The following UGT2A2 variants were observed in gnomAD, a reference collection of about 807,000 sequenced individuals.
The protein encoded by UGT2A2 is UDP glucuronosyltransferase family 2 member A2.
A neutral mutation model predicts 50.7 loss-of-function variants in UGT2A2; 60 were observed. That is an observed-to-expected ratio of 1.18 (90% CI 0.96 to 1.47). UGT2A2 has a LOEUF of 1.47. UGT2A2 is among the 40% of genes most tolerant of loss of function. The pLI is 0.00. For missense variants in UGT2A2, 762 were observed against 634.0 expected, an observed-to-expected ratio of 1.20 and a Z score of -2.17; for synonymous variants, 242 against 214.6, an observed-to-expected ratio of 1.13 and a Z score of -1.11.
In UGT2A2 at chr4:69,594,336, G is replaced by A. The variant is rs944416728; in HGVS notation, c.1331+141C>T. 11 of 1,154,870 alleles carry A rather than the reference G, an allele frequency of 9.5e-6. No homozygotes were observed. The East Asian group carries it at 2.6e-4, about 28-fold the overall frequency. 71.5% of individuals were successfully genotyped at this position (1,154,870 alleles called of 1,614,324 possible). The stretch of plus-strand genomic sequence containing the variant: ...TTCAGCAAATCACTTTAGCAGTTTG[G>A]CAAATAAAATAGTTTTTATATTGGT... On this transcript the variant is annotated intron_variant, in intron 5 of 5. Transcript: ENST00000604629.
chr4:69,599,672 G>A (rs1163760175), intron 1 of UGT2A2: 1 of 305,298 alleles, frequency 3.3e-6, no homozygotes, highest in Admixed American at 5.2e-5. Context: ...GAGAAAAAGG[G>A]AAGAAAGAGG....
chr4:69,607,626 A>G (rs1376111302), intron 1 of UGT2A2, among the ~76,000 whole-genome samples: 1 of 152,176 alleles, frequency 6.6e-6, no homozygotes, highest in Non-Finnish European at 1.5e-5. Context: ...ATCAGAGTGA[A>G]CAGGCAACCT....
chr4:69,618,466 T>C (rs1230361201), intron 1 of UGT2A2, among the ~76,000 whole-genome samples: 2 of 151,900 alleles, frequency 1.3e-5, no homozygotes, highest in African/African-American at 4.8e-5. Flanking sequence ...ATTTCTAACT[T>C]TGTTTATTGA....
At chr4:69,601,355 G>C (rs1379049537) in intron 1 of UGT2A2, among the ~76,000 whole-genome samples, 4 of 152,118 alleles carry the variant, frequency 2.6e-5, no homozygotes, top group Non-Finnish European at 5.9e-5. Flanking sequence ...AGAAAGGACA[G>C]AGAATTTGGG....
intron 1 of UGT2A2, among the ~76,000 whole-genome samples, chr4:69,610,261 A>G (rs2109915170): frequency 6.6e-6 from 1 of 152,194 alleles, no homozygotes. Flanking sequence ...AAAAAGTTGC[A>G]TTGAATTCAT....
chr4:69,589,012 T>C lies in UGT2A2; in HGVS notation c.*360A>G, dbSNP rs1330031732. ...TCAAATTCCATCTACACTGTATGCA[T>C]TACCAGGATTCAGCATATTGTTAAT... On this transcript the variant is annotated 3_prime_UTR_variant, in exon 6 of 6. Transcript: ENST00000604629. The C allele has an allele frequency of 1.1e-5, 2 of 179,186 alleles. No homozygotes were observed. Among genetic ancestry groups the C allele is most frequent in the Non-Finnish European group, 2.4e-5 (2 of 83,444 alleles). The allele number at this position is 179,186 out of a possible 1,614,324, so 11.1% of individuals were successfully genotyped here.
intron 1 of UGT2A2, among the ~76,000 whole-genome samples, chr4:69,611,453 A>T (rs1361764964): frequency 1.3e-5 from 2 of 152,030 alleles, no homozygotes; most frequent in Admixed American, 1.3e-4. Context: ...TAAGAAAAAA[A>T]AACTAATAAA....
intron 1 of UGT2A2, among the ~76,000 whole-genome samples, chr4:69,636,130 C>T (rs1229543004): frequency 6.6e-6 from 1 of 152,116 alleles, no homozygotes; most frequent in Admixed American, 6.6e-5. Context: ...TGATGTCCTT[C>T]AAGACATTTG....
At chr4:69,606,945 C>T (rs1195622205) in intron 1 of UGT2A2, among the ~76,000 whole-genome samples, 1 of 136,418 alleles carries the variant, frequency 7.3e-6, no homozygotes, top group Non-Finnish European at 1.6e-5. Flanking sequence ...AAGAACATTC[C>T]ATGCTCATGG....
intron 1 of UGT2A2, among the ~76,000 whole-genome samples, chr4:69,618,383 C>T (rs1253809878): frequency 1.3e-5 from 2 of 151,790 alleles, no homozygotes; most frequent in African/African-American, 4.8e-5. Flanking sequence ...GATTCCACTA[C>T]AGGTTGGCAA....
intron 1 of UGT2A2, among the ~76,000 whole-genome samples, chr4:69,631,582 A>G (rs1227016961): frequency 1.3e-5 from 2 of 152,100 alleles, no homozygotes; most frequent in African/African-American, 4.8e-5. Flanking sequence ...GAAGAATACT[A>G]TTTGAGATGA....
intron 1 of UGT2A2, among the ~76,000 whole-genome samples, chr4:69,604,392 G>A (rs1719476540): frequency 7.3e-6 from 1 of 136,308 alleles, no homozygotes; most frequent in Non-Finnish European, 1.6e-5. Flanking sequence ...TCACCACCAG[G>A]CCCGCCCTAA....
At chr4:69,627,386 G>T (rs957645674) in intron 1 of UGT2A2, among the ~76,000 whole-genome samples, 7 of 151,610 alleles carry the variant, frequency 4.6e-5, no homozygotes, top group African/African-American at 1.7e-4. Flanking sequence ...CTACATAATA[G>T]ATTCATATGA....
chr4:69,596,310 T>A lies in UGT2A2; in HGVS notation c.963A>T (p.Lys321Asn). Reference sequence around the variant, plus strand: ...GATTGGCCTTTTCTTCTGTAAGGTTTTTGACCATTGATCCCAGAGAAAACA... The same window carrying A: ...GATTGGCCTTTTCTTCTGTAAGGTTATTGACCATTGATCCCAGAGAAAACA... Reference protein sequence around the residue: ...VVVFSLGSMVKNLTEEKANLI... With the variant: ...VVVFSLGSMVNNLTEEKANLI... Residue 321 changes from lysine to asparagine, a missense_variant, in exon 3 of 6, where the codon AAA (lysine) becomes AAT (asparagine). Transcript: ENST00000604629. 1 of 1,608,994 alleles carries A rather than the reference T, an allele frequency of 6.2e-7. No individual in the cohort carries two copies. Among genetic ancestry groups the A allele is most frequent in the Non-Finnish European group, 8.5e-7 (1 of 1,176,862 alleles).
intron 5 of UGT2A2, among the ~76,000 whole-genome samples, chr4:69,593,984 T>C (rs1718750436): frequency 6.7e-6 from 1 of 148,524 alleles, no homozygotes; most frequent in Non-Finnish European, 1.5e-5. Flanking sequence ...TTTGTTTGTT[T>C]TTTTTTTTGA....
rs2109904992 is a variant in UGT2A2, at chr4:69,606,094, A to G, written c.743-6700T>C. Among the ~76,000 whole-genome samples the G allele has an allele frequency of 2.3e-5, 3 of 129,086 alleles. 1 individual carries two copies. The Middle Eastern group carries it at 0.012, about 525-fold the overall frequency. 84.7% of individuals were successfully genotyped at this position (129,086 alleles called of 152,430 possible). On this transcript the variant is annotated intron_variant, in intron 1 of 5. Transcript: ENST00000604629. ...TTTATGAGTCCAGCATCATCCTGAT[A>G]TCAAAGCCTGGCAGAGACACAACAA... is the stretch of plus-strand genomic sequence containing the variant.
intron 1 of UGT2A2, among the ~76,000 whole-genome samples, chr4:69,627,482 AGGCAGGCATGC>A (rs1721132015): frequency 1.3e-5 from 2 of 149,858 alleles, no homozygotes; most frequent in Non-Finnish European, 3.0e-5. Context: ...GCAGGCAGGC[AGGCAGGCATGC>A]AGGAAGGAAG....
chr4:69,602,730 G>A (rs1370950241), intron 1 of UGT2A2, among the ~76,000 whole-genome samples: 1 of 137,128 alleles, frequency 7.3e-6, no homozygotes, highest in Non-Finnish European at 1.6e-5. Flanking sequence ...TTGCAAAATT[G>A]TATTAAAACC....
At chr4:69,599,418 A>G (rs1354534530) in intron 1 of UGT2A2, 24 bp from the exon 2 acceptor site, 1 of 1,610,076 alleles carries the variant, frequency 6.2e-7, no homozygotes, top group Non-Finnish European at 8.5e-7. Flanking sequence ...AACAAGTTGG[A>G]TGGAGGAAAT....
Sources: gnomAD v4.1 joint callset for allele counts (sites outside exome capture counted in the v4.1 genomes callset) on GRCh38, gnomAD v4.1.1 for gene constraint, MANE v1.5 for transcripts, NCBI Gene and HGNC (gene_info 2026-07-23, HGNC 2026-07-21) for gene names.